Variants in DYNC2LI1 observed in about 807,000 individuals in gnomAD.
DYNC2LI1 encodes cytoplasmic dynein 2 light intermediate chain 1.
DYNC2LI1 carries 45 observed loss-of-function variants against 51.9 expected under a neutral mutation model. The ratio of observed to expected loss-of-function variants is 0.87; its 90% CI spans 0.68 to 1.11. The LOEUF (loss-of-function observed/expected upper bound fraction) is 1.11, where lower values mean the gene tolerates loss of function less well. Ranked by LOEUF, DYNC2LI1 falls within the 50% of genes most tolerant of loss-of-function variation. The probability of loss-of-function intolerance (pLI) is 0.00; values close to 1 mark genes in which losing one functional copy is unlikely to be tolerated. For synonymous variants in DYNC2LI1, 130 were observed against 137.8 expected (o/e 0.94, Z 0.40); for missense variants, 490 against 417.4 (o/e 1.17, Z -1.51).
chr2:43,790,606 A>G (rs536448616), intron 5 of DYNC2LI1, among the ~76,000 whole-genome samples: 8 of 152,014 alleles, frequency 5.3e-5, no homozygotes, highest in African/African-American at 1.7e-4. Flanking sequence ...AAAGTAATAT[A>G]TGCGCTTACA....
the DYNC2LI1 span, chr2:43,824,363 A>C: frequency 6.2e-7 from 1 of 1,614,190 alleles, no homozygotes; most frequent in South Asian, 1.1e-5. Context: ...GGCAGATTCT[A>C]TCATCTGGAC....
At chr2:43,801,825 G>C in intron 10 of DYNC2LI1, 116 bp downstream of exon 10, 1 of 687,514 alleles carries the variant, frequency 1.5e-6, no homozygotes, top group Non-Finnish European at 2.4e-6. Context: ...TATCATTGCT[G>C]TTATTTCCTG....
chr2:43,798,594 T>G (rs747093450), intron 8 of DYNC2LI1, among the ~76,000 whole-genome samples: 1 of 152,226 alleles, frequency 6.6e-6, no homozygotes, highest in Non-Finnish European at 1.5e-5. Context: ...TCTGGTCTCA[T>G]GGGTACAAAT....
chr2:43,819,505 C>A, the DYNC2LI1 span, among the ~76,000 whole-genome samples: 1 of 148,770 alleles, frequency 6.7e-6, no homozygotes, highest in South Asian at 2.1e-4. Context: ...TCTGACTAGT[C>A]TTAATTCCTA....
the DYNC2LI1 span, among the ~76,000 whole-genome samples, chr2:43,823,190 T>A: frequency 1.3e-5 from 2 of 152,124 alleles, no homozygotes; most frequent in South Asian, 4.1e-4. Context: ...TGGGGAGTTG[T>A]CACCAATTCA....
At chr2:43,789,347 A>C (rs773196126) in intron 4 of DYNC2LI1, among the ~76,000 whole-genome samples, 1 of 152,210 alleles carries the variant, frequency 6.6e-6, no homozygotes, top group Admixed American at 6.5e-5. Context: ...TATATGCTAC[A>C]TATGTTATTT....
intron 5 of DYNC2LI1, chr2:43,793,738 G>T (rs1250280702): frequency 6.6e-6 from 1 of 151,956 alleles, no homozygotes; most frequent in Non-Finnish European, 1.5e-5. Flanking sequence ...ACCATCCCTG[G>T]CCTCTTTGCC....
intron 7 of DYNC2LI1, 87 bp downstream of exon 7, chr2:43,796,045 G>T (rs1674022954): frequency 9.6e-6 from 9 of 942,170 alleles, no homozygotes. Context: ...ATCAAAATAA[G>T]AAAAATAATT....
chr2:43,816,896 T>G, the DYNC2LI1 span, among the ~76,000 whole-genome samples: 6 of 152,348 alleles, frequency 3.9e-5, no homozygotes, highest in South Asian at 4.1e-4. Flanking sequence ...TTGTGAGCAC[T>G]TCTTCCCCCA....
the DYNC2LI1 span, chr2:43,826,668 G>C: frequency 1.6e-6 from 2 of 1,287,868 alleles, no homozygotes; most frequent in East Asian, 2.4e-5. Context: ...CTGGCTTTCA[G>C]CCTGAGCTCA....
chr2:43,778,523 T>G (rs1572693424), intron 2 of DYNC2LI1, among the ~76,000 whole-genome samples: 1 of 152,340 alleles, frequency 6.6e-6, no homozygotes, highest in Middle Eastern at 3.4e-3. Context: ...CTTAACAGTT[T>G]CCTACATTGT....
At chr2:43,778,601 G>A (rs1359268672) in intron 2 of DYNC2LI1, among the ~76,000 whole-genome samples, 2 of 152,008 alleles carry the variant, frequency 1.3e-5, no homozygotes, top group Admixed American at 6.6e-5. Flanking sequence ...CTAGTCTTAT[G>A]GTACAAATAC....
At chr2:43,827,420 G>C in the DYNC2LI1 span, among the ~76,000 whole-genome samples, 619 of 152,116 alleles carry the variant, frequency 4.1e-3, 1 homozygote, top group Non-Finnish European at 7.5e-3. Flanking sequence ...GGCCGTCCTG[G>C]TCTACCACAG....
chr2:43,803,269 C>T (rs1052398920), intron 10 of DYNC2LI1, among the ~76,000 whole-genome samples: 1 of 152,010 alleles, frequency 6.6e-6, no homozygotes, highest in Non-Finnish European at 1.5e-5. Context: ...TAGAAACAGC[C>T]CAGAAGTTGT....
At chr2:43,814,160 C>T (rs562467701), downstream of DYNC2LI1, among the ~76,000 whole-genome samples, 31 of 152,266 alleles carry the variant, frequency 2.0e-4, no homozygotes, top group African/African-American at 7.0e-4. Flanking sequence ...CTTCAGCCTG[C>T]TTGAATGTGT....
At chr2:43,789,824 G>A (rs1673695063) in intron 5 of DYNC2LI1, 103 bp downstream of exon 5, 1 of 926,370 alleles carries the variant, frequency 1.1e-6, no homozygotes, top group African/African-American at 1.7e-5. Flanking sequence ...ACAGTTTTAT[G>A]TTGCTGAAGG....
intron 12 of DYNC2LI1, chr2:43,805,694 A>G (rs1410998079): frequency 1.3e-5 from 2 of 152,712 alleles, no homozygotes; most frequent in African/African-American, 4.8e-5. Context: ...TTAAGGACTG[A>G]AAGCACGATC....
chr2:43,788,806 A>C (rs564055002), intron 4 of DYNC2LI1, among the ~76,000 whole-genome samples: 11 of 152,208 alleles, frequency 7.2e-5, no homozygotes, highest in African/African-American at 2.6e-4. Flanking sequence ...TAATTTAAAA[A>C]AATTGTTTAT....
intron 2 of DYNC2LI1, chr2:43,781,710 C>G (rs2104666719): frequency 6.6e-6 from 1 of 150,948 alleles, no homozygotes; most frequent in Non-Finnish European, 1.5e-5. Context: ...TCACACCATT[C>G]TCCTGCCTCA....
Sources: gnomAD v4.1 joint callset for allele counts (sites outside exome capture counted in the v4.1 genomes callset) on GRCh38, gnomAD v4.1.1 for gene constraint, MANE v1.5 for transcripts, NCBI Gene and HGNC (gene_info 2026-07-23, HGNC 2026-07-21) for gene names.